Variants in EHD4 observed in about 807,000 individuals in gnomAD.
The protein encoded by EHD4 is EH domain-containing protein 4.
A neutral mutation model predicts 51.0 loss-of-function variants in EHD4; 37 were observed. The ratio of observed to expected loss-of-function variants is 0.73; its 90% confidence interval spans 0.56 to 0.95. EHD4 has a LOEUF of 0.95. Ranked by LOEUF, EHD4 falls within the 40% of genes least tolerant of loss-of-function variation. The probability of loss-of-function intolerance (pLI) is 0.00; values close to 1 mark genes in which losing one functional copy is unlikely to be tolerated. For synonymous variants in EHD4, 297 were observed against 317.3 expected, an observed-to-expected ratio of 0.94 and a Z score of 0.68; for missense variants, 632 against 733.1, an observed-to-expected ratio of 0.86 and a Z score of 1.59.
At chr15:41,922,607 G>C (rs1479124982) in intron 3 of EHD4, among the ~76,000 whole-genome samples, 1 of 152,174 alleles carries the variant, frequency 6.6e-6, no homozygotes, top group Non-Finnish European at 1.5e-5. Context: ...AGGGCCGCCT[G>C]GGTTGAATGG....
At position 41,939,091 on chromosome 15, in the gene EHD4, C is replaced by T. The variant is rs2067749953; in HGVS notation, c.511+3976G>A. The stretch of plus-strand genomic sequence containing the variant: ...TTTCTTCTCATCGCAGAGTCAAACA[C>T]CTGGCTGCTATCACCAAGGACAAAG... On this transcript the variant is annotated intron_variant, in intron 3 of 5. Coordinates refer to ENST00000220325, the MANE Select transcript of EHD4 (RefSeq NM_139265.4). 3.9e-5 allele frequency among the ~76,000 whole-genome samples: 6 copies of T among 152,120 alleles called. No homozygotes were observed. In the South Asian group the frequency reaches 1.2e-3, roughly 32 times the overall value.
At chr15:41,916,667 T>A (rs2067585871) in intron 4 of EHD4, among the ~76,000 whole-genome samples, 1 of 152,190 alleles carries the variant, frequency 6.6e-6, no homozygotes, top group African/African-American at 2.4e-5. Flanking sequence ...GCAGGTGGCG[T>A]GAGGTCAATG....
intron 3 of EHD4, 26 bp downstream of exon 3, chr15:41,943,040 TG>T: frequency 6.5e-7 from 1 of 1,540,792 alleles, no homozygotes. Flanking sequence ...CAGCACTTGG[TG>T]GGGAGGGGCA....
intron 2 of EHD4, among the ~76,000 whole-genome samples, chr15:41,952,262 C>T (rs11637358): frequency 3.0e-4 from 46 of 152,154 alleles, no homozygotes; most frequent in Non-Finnish European, 5.9e-4. Context: ...AGGATCCGTT[C>T]CTATTTTTAA....
At chr15:41,921,659 C>G (rs1477488654) in intron 3 of EHD4, 1 of 152,194 alleles carries the variant, frequency 6.6e-6, no homozygotes, top group East Asian at 1.9e-4. Context: ...GACCACTCTC[C>G]CACGTGGTCT....
At chr15:41,944,979 A>T (rs947709486) in intron 2 of EHD4, among the ~76,000 whole-genome samples, 5 of 152,154 alleles carry the variant, frequency 3.3e-5, no homozygotes, top group African/African-American at 1.2e-4. Context: ...CTCACCAAGC[A>T]TTCTTTGTAA....
At chr15:41,914,469 G>C (rs1226627706) in intron 4 of EHD4, among the ~76,000 whole-genome samples, 1 of 146,104 alleles carries the variant, frequency 6.8e-6, no homozygotes, top group Non-Finnish European at 1.5e-5. Flanking sequence ...GCTGACTTGA[G>C]CAAGGGTTTG....
intron 1 of EHD4, among the ~76,000 whole-genome samples, chr15:41,956,348 G>A (rs2067887896): frequency 6.6e-6 from 1 of 152,198 alleles, no homozygotes; most frequent in Non-Finnish European, 1.5e-5. Context: ...CCGGGCCAGG[G>A]AGGTGAGCAT....
intron 1 of EHD4, among the ~76,000 whole-genome samples, chr15:41,966,003 C>T (rs1372115279): frequency 6.7e-6 from 1 of 148,358 alleles, no homozygotes; most frequent in Non-Finnish European, 1.5e-5. Context: ...AGCTCCTTGC[C>T]CTGCTCTTCA....
chr15:41,953,430 A>G (rs527445699), intron 2 of EHD4, among the ~76,000 whole-genome samples: 6 of 152,208 alleles, frequency 3.9e-5, no homozygotes, highest in African/African-American at 1.4e-4. Flanking sequence ...TCGTTGTCCA[A>G]GCTGGTCTCA....
intron 3 of EHD4, among the ~76,000 whole-genome samples, chr15:41,939,306 C>T (rs1793415559): frequency 6.6e-6 from 1 of 152,168 alleles, no homozygotes; most frequent in African/African-American, 2.4e-5. Flanking sequence ...TATCAGAACA[C>T]TTTTATCCTT....
chr15:41,951,395 TGC>T (rs1370738946), intron 2 of EHD4, among the ~76,000 whole-genome samples: 10 of 152,236 alleles, frequency 6.6e-5, no homozygotes, highest in Non-Finnish European at 1.0e-4. Flanking sequence ...ACAAGAGCTT[TGC>T]CATTCAAAAT....
At chr15:41,911,642 A>C (rs538632444) in intron 4 of EHD4, among the ~76,000 whole-genome samples, 1 of 152,102 alleles carries the variant, frequency 6.6e-6, no homozygotes, top group Admixed American at 6.5e-5. Context: ...TATGTTCTCT[A>C]TGTATACCTA....
chr15:41,968,084 C>A (rs1242324214), intron 1 of EHD4, among the ~76,000 whole-genome samples: 1 of 152,180 alleles, frequency 6.6e-6, no homozygotes, highest in Non-Finnish European at 1.5e-5. Flanking sequence ...CATGAGTGGG[C>A]CGATCACTTC....
chr15:41,905,813 G>T (rs907075858), intron 5 of EHD4, among the ~76,000 whole-genome samples: 1 of 152,188 alleles, frequency 6.6e-6, no homozygotes, highest in African/African-American at 2.4e-5. Context: ...GGGAACACAG[G>T]CATGAGCCAA....
intron 3 of EHD4, among the ~76,000 whole-genome samples, chr15:41,930,775 T>A (rs1258479451): frequency 6.6e-6 from 1 of 152,114 alleles, no homozygotes; most frequent in Non-Finnish European, 1.5e-5. Context: ...ATGTCACAGA[T>A]GGAAAGAAAG....
intron 3 of EHD4, among the ~76,000 whole-genome samples, chr15:41,925,240 T>C (rs182977133): frequency 6.6e-6 from 1 of 152,322 alleles, no homozygotes; most frequent in Admixed American, 6.5e-5. Context: ...ATCAAGGGGC[T>C]ACATACCTAA....
chr15:41,929,788 A>G (rs1429128069), intron 3 of EHD4, among the ~76,000 whole-genome samples: 2 of 152,198 alleles, frequency 1.3e-5, no homozygotes, highest in Non-Finnish European at 2.9e-5. Flanking sequence ...GGTGGTTCCA[A>G]ACAGTAAGCT....
At chr15:41,969,275 G>C (rs1021917784) in intron 1 of EHD4, among the ~76,000 whole-genome samples, 2 of 152,192 alleles carry the variant, frequency 1.3e-5, no homozygotes, top group African/African-American at 2.4e-5. Flanking sequence ...GATGGGGCGC[G>C]GTGGCTCACG....
Sources: allele counts gnomAD v4.1 joint callset (sites outside exome capture counted in the v4.1 genomes callset), GRCh38; gene constraint gnomAD v4.1.1; transcripts MANE v1.5; gene names NCBI Gene and HGNC (gene_info 2026-07-23, HGNC 2026-07-21).